STOML2: variants seen among roughly 807,000 people sequenced by gnomAD.
The protein encoded by STOML2 is stomatin like 2, also known as stomatin-like protein 2, mitochondrial.
Under a neutral mutation model 45.7 loss-of-function variants are expected in STOML2, and 22 were observed. The ratio of observed to expected loss-of-function variants is 0.48; its 90% CI spans 0.34 to 0.69. The LOEUF (loss-of-function observed/expected upper bound fraction) is 0.69, where lower values mean the gene tolerates loss of function less well. Ranked by LOEUF, STOML2 falls within the 30% of genes least tolerant of loss-of-function variation. The pLI is 0.01. For missense variants in STOML2, 359 were observed against 466.9 expected (o/e 0.77, Z 2.13); for synonymous variants, 181 against 182.7 (o/e 0.99, Z 0.08).
At chr9:35,103,147 T>G, upstream of STOML2, 3 of 1,603,862 alleles carry the variant, frequency 1.9e-6, no homozygotes, top group Non-Finnish European at 2.5e-6. Context: ...GAGCGGTCGC[T>G]CCCAGAAGCC....
chr9:35,099,812 A>G lies in STOML2; in HGVS notation c.*223T>C. The G allele has an allele frequency of 1.9e-6, 1 of 519,306 alleles. No individual in the cohort carries two copies. Among genetic ancestry groups the G allele is most frequent in the South Asian group, 2.5e-5 (1 of 40,610 alleles). The allele number at this position is 519,306 out of a possible 1,614,324, so 32.2% of individuals were successfully genotyped here. A position where few individuals can be genotyped will look rare whatever the true frequency, so the allele number is the denominator to read the frequency against. The stretch of plus-strand genomic sequence containing the variant: ...ACAAGAAGTTCACTCTTATTCATGG[A>G]GGCATCATGCTGACAGGACTGGATC... On this transcript the variant is annotated 3_prime_UTR_variant, in exon 10 of 10. Transcript: ENST00000356493.
rs749151880 is a variant in STOML2, at chr9:35,100,149, G to T, written c.957C>A (p.Leu319=). 5.0e-6 allele frequency: 8 copies of T among 1,614,100 alleles called. No individual in the cohort carries two copies. The South Asian group carries it at 6.6e-5, about 13-fold the overall frequency. ...VAQAMGVYGA[L]TKAPVPGTPD... is the part of the protein sequence containing the mutation. ...GAGTCCCTGGCACTGGGGCTTTGGTGAGGGCTCCATATACACCCATGGCCT... is the reference window on the plus strand; with the variant it reads ...GAGTCCCTGGCACTGGGGCTTTGGTTAGGGCTCCATATACACCCATGGCCT... Residue 319 remains leucine (L), a synonymous_variant, in exon 10 of 10, where the codon CTC becomes CTA. Coordinates refer to ENST00000356493, the MANE Select transcript of STOML2 (RefSeq NM_013442.3).
chr9:35,101,440 ACT>A lies in STOML2; in HGVS notation c.563_564del (p.Glu188ValfsTer20). On this transcript the variant is annotated frameshift_variant, in exon 6 of 10. Transcript: ENST00000356493. LOFTEE classifies it high-confidence loss of function. The surrounding 1 kb of genome is among the most constrained non-coding windows in gnomAD (Gnocchi z 4.3). The stretch of plus-strand genomic sequence containing the variant: ...TTGGCCCCCACCTGCATCTGCATAG[ACT>A]CTTTCACCCGGGGTGGCACATGGAT... The part of the protein sequence containing the change: ...KDIHVPPRVK[E>X]SMQMQVEAER... 1 of 1,613,608 alleles carries A rather than the reference ACT, an allele frequency of 6.2e-7. No individual in the cohort carries two copies. The highest frequency in any genetic ancestry group is 8.5e-7 in the Non-Finnish European group (1 of 1,179,950).
chr9:35,101,922 G>A lies in STOML2; in HGVS notation c.324C>T (p.Arg108=). Residue 108 remains arginine (R), a synonymous_variant, in exon 4 of 10, where the codon CGC becomes CGT. Transcript: ENST00000356493. The surrounding 1 kb of genome is among the most constrained non-coding windows in gnomAD (Gnocchi z 4.3). ...CAGGTACCTTGTAAGGGTCCATGATGCGCAGGTAAAGGACTCCATCGATTT... is the reference window on the plus strand; with the variant it reads ...CAGGTACCTTGTAAGGGTCCATGATACGCAGGTAAAGGACTCCATCGATTT... ...TLQIDGVLYL[R]IMDPYKASYG... is the part of the protein sequence containing the mutation. The A allele has an allele frequency of 1.9e-6, 3 of 1,614,200 alleles. No individual in the cohort carries two copies. Among genetic ancestry groups the A allele is most frequent in the African/African-American group, 1.3e-5 (1 of 75,052 alleles).
chr9:35,103,183 C>A (rs1829864722), upstream of STOML2: 3 of 1,514,774 alleles, frequency 2.0e-6, no homozygotes, highest in South Asian at 3.5e-5. Flanking sequence ...TCTTGCAGTT[C>A]CGCTCCCCCG....
chr9:35,102,843 G>A lies in STOML2; in HGVS notation c.46-20C>T, dbSNP rs769371767. ...AGAGCCCTGAAGGAAAGAAGAGGGTGAGCAGAGATCCCATCTGGCCAGACA... is the reference window on the plus strand; with the variant it reads ...AGAGCCCTGAAGGAAAGAAGAGGGTAAGCAGAGATCCCATCTGGCCAGACA... On this transcript the variant is annotated intron_variant, in intron 1 of 9. Transcript: ENST00000356493. The surrounding 1 kb of genome is among the most constrained non-coding windows in gnomAD (Gnocchi z 4.8). The A allele has an allele frequency of 9.9e-6, 16 of 1,612,806 alleles. No individual in the cohort carries two copies. The highest frequency in any genetic ancestry group is 1.7e-5 in the Admixed American group (1 of 59,866).
rs781568932 is a variant in STOML2 at position 35,102,122 on chromosome 9, C to T, written c.256G>A (p.Val86Met). ...AGAGTCACAGCCGACTGCTCAGGCA[C>T]GTTGATGACAATTTCCTTGAGACTC... ...VQSLKEIVIN[V>M]PEQSAVTLDN... The change falls in exon 3 of 10, where the codon GTG becomes ATG. Residue 86 changes from valine to methionine, a missense_variant. Physicochemically the swap from Val to Met is conservative, Grantham distance 21. Transcript: ENST00000356493. The surrounding 1 kb of genome is among the most constrained non-coding windows in gnomAD (Gnocchi z 4.8). 8 of 1,613,826 alleles carry T rather than the reference C, an allele frequency of 5.0e-6. No homozygotes were observed. In the African/African-American group the frequency reaches 8.0e-5, roughly 16 times the overall value.
In STOML2 at chr9:35,103,041, C is replaced by T. The variant is rs1196099994; in HGVS notation, c.45+9G>A. The T allele has an allele frequency of 1.2e-6, 2 of 1,613,984 alleles. No individual in the cohort carries two copies. Among genetic ancestry groups the T allele is most frequent in the East Asian group, 4.5e-5 (2 of 44,886 alleles). ...TCCTGACCCTCTGGAAAGGTTGCCTCGCTCTCACCCTCAGCAAAAGGGCCC... is the reference window on the plus strand; with the variant it reads ...TCCTGACCCTCTGGAAAGGTTGCCTTGCTCTCACCCTCAGCAAAAGGGCCC... On this transcript the variant is annotated intron_variant, in intron 1 of 9. Coordinates refer to ENST00000356493, the MANE Select transcript of STOML2 (RefSeq NM_013442.3).
intron 1 of STOML2, 47 bp downstream of exon 1, chr9:35,103,003 C>G: frequency 6.2e-7 from 1 of 1,609,600 alleles, no homozygotes; most frequent in Non-Finnish European, 8.5e-7. Flanking sequence ...GCGGAGAACC[C>G]AGGTAATCTC....
Position 35,099,837 on chromosome 9 carries a change from C to T in STOML2, c.*198G>A, listed in dbSNP as rs2131092366. 1.7e-6 allele frequency: 1 copy of T among 587,514 alleles called. No individual in the cohort carries two copies. The highest frequency in any genetic ancestry group is 3.0e-6 in the Non-Finnish European group (1 of 336,066). 36.4% of individuals were successfully genotyped at this position (587,514 alleles called of 1,614,324 possible). A position where few individuals can be genotyped will look rare whatever the true frequency, so the allele number is the denominator to read the frequency against. On this transcript the variant is annotated 3_prime_UTR_variant, in exon 10 of 10. Coordinates refer to ENST00000356493, the MANE Select transcript of STOML2 (RefSeq NM_013442.3). ...AGGCATCATGCTGACAGGACTGGATCCAAGGAAAATGCTAGTGACTTTCCC... is the reference window on the plus strand; with the variant it reads ...AGGCATCATGCTGACAGGACTGGATTCAAGGAAAATGCTAGTGACTTTCCC...
chr9:35,103,055 G>C lies in STOML2; in HGVS notation c.40C>G (p.Leu14Val). 6.2e-7 allele frequency: 1 copy of C among 1,614,094 alleles called. No homozygotes were observed. Among genetic ancestry groups the C allele is most frequent in the East Asian group, 2.2e-5 (1 of 44,876 alleles). Residue 14 changes from leucine (L) to valine (V), a missense_variant, in exon 1 of 10, where the codon CTG (leucine) becomes GTG (valine). Transcript: ENST00000356493. Reference protein sequence around the residue: ...RAARGTGALLLRGSLLASGRA... With the variant: ...RAARGTGALLVRGSLLASGRA... The stretch of plus-strand genomic sequence containing the variant: ...AAAGGTTGCCTCGCTCTCACCCTCA[G>C]CAAAAGGGCCCCAGTGCCCCGCGCC...
chr9:35,101,220 C>A lies in STOML2; in HGVS notation c.639G>T (p.Ser213=). The A allele has an allele frequency of 6.2e-7, 1 of 1,614,160 alleles. No individual in the cohort carries two copies. Among genetic ancestry groups the A allele is most frequent in the South Asian group, 1.1e-5 (1 of 91,088 alleles). The stretch of plus-strand genomic sequence containing the variant: ...TCTTCCCTTCTGCCACATTGATGGC[C>A]GACTCTCGGGTCCCCTCAGACTCTA... ...TVLESEGTRE[S]AINVAEGKKQ... is the part of the protein sequence containing the mutation. Residue 213 remains serine (S), a synonymous_variant, in exon 7 of 10, where the codon TCG becomes TCT. Transcript: ENST00000356493. This position sits in a 1 kb window ranked among gnomAD's most constrained non-coding sequence, Gnocchi z 4.3.
rs138647485 is a variant in STOML2, at chr9:35,101,263, C to T, written c.596G>A (p.Arg199Gln). The T allele has an allele frequency of 4.1e-5, 66 of 1,614,040 alleles. No homozygotes were observed. Among genetic ancestry groups the T allele is most frequent in the Non-Finnish European group, 5.2e-5 (61 of 1,180,048 alleles). ...SMQMQVEAER[R>Q]KRATVLESEG... ...AGACTCTAGAACTGTGGCCCGTTTC[C>T]GCCGCTCTGCCTCCACCTGGAAGCC... Residue 199 changes from arginine (R) to glutamine (Q), a missense_variant, in exon 7 of 10, where the codon CGG (arginine) becomes CAG (glutamine). By Grantham distance (43) the Arg-to-Gln change is conservative. This residue lies in a region of STOML2 where 285 missense variants were observed against 422.0 expected (regional missense o/e 0.68). Coordinates refer to ENST00000356493, the MANE Select transcript of STOML2 (RefSeq NM_013442.3). The surrounding 1 kb of genome is among the most constrained non-coding windows in gnomAD (Gnocchi z 4.3).
chr9:35,101,335 C>T lies in STOML2; in HGVS notation c.580-56G>A. ...GCCAAGGGAGACTGATACAGACATG[C>T]AACTCTACCCATCATAACAGGAGGG... On this transcript the variant is annotated intron_variant, in intron 6 of 9. Transcript: ENST00000356493. This position sits in a 1 kb window ranked among gnomAD's most constrained non-coding sequence, Gnocchi z 4.3. The T allele has an allele frequency of 5.6e-6, 9 of 1,613,202 alleles. No individual in the cohort carries two copies. Among genetic ancestry groups the T allele is most frequent in the East Asian group, 2.2e-5 (1 of 44,858 alleles).
At position 35,102,623 on chromosome 9, in the gene STOML2, CATTGCATGTCGTGAGGG is replaced by C; in HGVS notation, c.183+46_183+62del. ...GCAGGCCCAAAGGAAGTCCTCCCGACATTGCATGTCGTGAGGGATTGGTCATCTGGCTGGCCCAGGGT... is the reference window on the plus strand; with the variant it reads ...GCAGGCCCAAAGGAAGTCCTCCCGACATTGGTCATCTGGCTGGCCCAGGGT... On this transcript the variant is annotated intron_variant, in intron 2 of 9. Coordinates refer to ENST00000356493, the MANE Select transcript of STOML2 (RefSeq NM_013442.3). This position sits in a 1 kb window ranked among gnomAD's most constrained non-coding sequence, Gnocchi z 4.8. 2 of 1,594,180 alleles carry C rather than the reference CATTGCATGTCGTGAGGG, an allele frequency of 1.3e-6. No homozygotes were observed. The highest frequency in any genetic ancestry group is 1.1e-5 in the South Asian group (1 of 88,756).
Position 35,101,385 on chromosome 9 carries a change from A to G in STOML2, c.579+41T>C, listed in dbSNP as rs1363382752. The G allele has an allele frequency of 2.0e-6, 3 of 1,471,440 alleles. No individual in the cohort carries two copies. The South Asian group carries it at 3.5e-5, about 17-fold the overall frequency. The allele number at this position is 1,471,440 out of a possible 1,614,324, so 91.1% of individuals were successfully genotyped here. On this transcript the variant is annotated intron_variant, in intron 6 of 9. Transcript: ENST00000356493. The surrounding 1 kb of genome is among the most constrained non-coding windows in gnomAD (Gnocchi z 4.3). The stretch of plus-strand genomic sequence containing the variant: ...GAAGTCTGGATCCTCCTGGTACTGG[A>G]GCACCCTGAGGCCCTTTTCCCACCC...
In STOML2 at chr9:35,101,408, C is replaced by A. The variant is rs1829814174; in HGVS notation, c.579+18G>T. On this transcript the variant is annotated intron_variant, in intron 6 of 9. Coordinates refer to ENST00000356493, the MANE Select transcript of STOML2 (RefSeq NM_013442.3). This position sits in a 1 kb window ranked among gnomAD's most constrained non-coding sequence, Gnocchi z 4.3. ...GGAGCACCCTGAGGCCCTTTTCCCA[C>A]CCCTCCTTGGCCCCCACCTGCATCT... The A allele has an allele frequency of 1.9e-6, 3 of 1,613,888 alleles. No individual in the cohort carries two copies. Among genetic ancestry groups the A allele is most frequent in the African/African-American group, 2.7e-5 (2 of 74,920 alleles).
intron 9 of STOML2, 25 bp downstream of exon 9, chr9:35,100,573 T>C (rs1829794794): frequency 2.5e-6 from 4 of 1,612,662 alleles, no homozygotes; most frequent in East Asian, 2.2e-5. Context: ...CAGTGCTCTA[T>C]GCTGGGTCCT....
chr9:35,101,206 G>A lies in STOML2; in HGVS notation c.653C>T (p.Ala218Val). The change falls in exon 7 of 10, where the codon GCA (alanine) becomes GTA (valine). Residue 218 changes from alanine to valine, a missense_variant. Physicochemically the swap from Ala to Val is moderately conservative, Grantham distance 64. Coordinates refer to ENST00000356493, the MANE Select transcript of STOML2 (RefSeq NM_013442.3). The surrounding 1 kb of genome is among the most constrained non-coding windows in gnomAD (Gnocchi z 4.3). Reference protein sequence around the residue: ...EGTRESAINVAEGKKQAQILA... With the variant: ...EGTRESAINVVEGKKQAQILA... ...GATCTGGGCCTGTTTCTTCCCTTCT[G>A]CCACATTGATGGCCGACTCTCGGGT... 6.2e-7 allele frequency: 1 copy of A among 1,614,196 alleles called. No individual in the cohort carries two copies. Among genetic ancestry groups the A allele is most frequent in the Non-Finnish European group, 8.5e-7 (1 of 1,180,038 alleles).
Sources: gnomAD v4.1 joint callset for allele counts on GRCh38, gnomAD v4.1.1 for gene constraint, gnomAD v4.1.1 regional missense constraint, Gnocchi (gnomAD v3.1) non-coding constraint, MANE v1.5 for transcripts, NCBI Gene and HGNC (gene_info 2026-07-23, HGNC 2026-07-21) for gene names.